Variants in TSGA10 observed in about 807,000 individuals in gnomAD.
TSGA10 encodes the protein testis-specific gene 10 protein.
In TSGA10, 43 loss-of-function variants were observed where a neutral mutation model predicts 96.6. That is an observed-to-expected ratio of 0.44 (90% confidence interval 0.35 to 0.57). The LOEUF is 0.57. TSGA10 is among the 20% of genes least tolerant of loss of function. TSGA10 has a pLI of 0.01. For missense variants in TSGA10, 703 were observed against 834.4 expected, an observed-to-expected ratio of 0.84 and a Z score of 1.94; for synonymous variants, 229 against 269.9, an observed-to-expected ratio of 0.85 and a Z score of 1.48.
intron 1 of TSGA10, among the ~76,000 whole-genome samples, chr2:99,132,170 A>G (rs922372120): frequency 4.0e-5 from 6 of 151,610 alleles, no homozygotes; most frequent in African/African-American, 1.5e-4. Context: ...TCTTTTTTCT[A>G]TTGTTTGGAA....
chr2:99,053,115 AT>A (rs998965285), intron 16 of TSGA10, among the ~76,000 whole-genome samples: 12 of 152,020 alleles, frequency 7.9e-5, no homozygotes, highest in African/African-American at 2.4e-4. Context: ...TAAAAAAAAA[AT>A]CTTACATCAA....
chr2:99,117,101 T>C (rs1206656137), intron 4 of TSGA10: 1 of 152,224 alleles, frequency 6.6e-6, no homozygotes, highest in East Asian at 1.9e-4. Context: ...TTCCTTTCTT[T>C]TGGATGTATA....
intron 16 of TSGA10, among the ~76,000 whole-genome samples, chr2:99,037,379 A>G (rs908711377): frequency 6.6e-6 from 1 of 152,212 alleles, no homozygotes; most frequent in South Asian, 2.1e-4. Flanking sequence ...AAATTTAACA[A>G]CATACTTCTA....
At chr2:99,144,649 CAA>C (rs70940140) in intron 1 of TSGA10, among the ~76,000 whole-genome samples, 33 of 52,262 alleles carry the variant, frequency 6.3e-4, no homozygotes, top group African/African-American at 1.8e-3. Context: ...AACTCTGTCT[CAA>C]AAAAAAAAAA....
At chr2:99,109,556 T>C (rs2091635074) in intron 5 of TSGA10, 44 bp from the exon 6 acceptor site, 3 of 1,433,238 alleles carry the variant, frequency 2.1e-6, no homozygotes, top group Non-Finnish European at 1.8e-6. Context: ...TCTAAAATTA[T>C]CTTGCCAAAG....
intron 10 of TSGA10, among the ~76,000 whole-genome samples, chr2:99,100,926 T>A (rs1319866159): frequency 7.0e-6 from 1 of 142,528 alleles, no homozygotes; most frequent in Non-Finnish European, 1.5e-5. Context: ...ATTTTCTCAG[T>A]TAAAAAAAAA....
intron 11 of TSGA10, among the ~76,000 whole-genome samples, chr2:99,081,033 A>G (rs1243326201): frequency 6.6e-6 from 1 of 152,182 alleles, no homozygotes; most frequent in Non-Finnish European, 1.5e-5. Context: ...TCGTAAGTTT[A>G]CAAACTGTTG....
At chr2:99,138,252 A>T (rs1574698518) in intron 1 of TSGA10, among the ~76,000 whole-genome samples, 1 of 152,162 alleles carries the variant, frequency 6.6e-6, no homozygotes, top group South Asian at 2.1e-4. Flanking sequence ...GAAATGTCAG[A>T]GGGTCTTCCC....
At chr2:99,068,838 C>A in intron 15 of TSGA10, 50 bp downstream of exon 15, 2 of 869,130 alleles carry the variant, frequency 2.3e-6, no homozygotes. Flanking sequence ...TCTAAATTAA[C>A]TCTAGTGAAA....
chr2:99,048,380 T>C (rs1379178903), intron 16 of TSGA10, among the ~76,000 whole-genome samples: 1 of 150,708 alleles, frequency 6.6e-6, no homozygotes, highest in East Asian at 2.0e-4. Flanking sequence ...CATATATATA[T>C]ACACACACAC....
At chr2:99,008,333 AT>A (rs1298266070) in intron 20 of TSGA10, among the ~76,000 whole-genome samples, 7 of 152,206 alleles carry the variant, frequency 4.6e-5, no homozygotes, top group Non-Finnish European at 8.8e-5. Flanking sequence ...TGTACTAAAA[AT>A]TTTTTTAACA....
At position 99,033,525 on chromosome 2, in the gene TSGA10, G is replaced by A. The variant is rs1242917906; in HGVS notation, c.1614+1705C>T. On this transcript the variant is annotated intron_variant, in intron 17 of 20. Coordinates refer to ENST00000393483, the MANE Select transcript of TSGA10 (RefSeq NM_025244.4). ...ACAAACTCTATCTGTCACTTCAGGG[G>A]AGAATGACAACTGTGTTCAAGTTGG... Among the ~76,000 whole-genome samples the A allele has an allele frequency of 7.9e-5, 12 of 152,202 alleles. No homozygotes were observed. The East Asian group carries it at 2.1e-3, about 27-fold the overall frequency.
chr2:99,007,100 T>G (rs895614683), intron 20 of TSGA10, among the ~76,000 whole-genome samples: 8 of 151,706 alleles, frequency 5.3e-5, no homozygotes, highest in African/African-American at 1.9e-4. Flanking sequence ...AATGAGAACA[T>G]TTGGACACAG....
chr2:99,010,598 G>C (rs1254190541), intron 20 of TSGA10, among the ~76,000 whole-genome samples: 1 of 152,244 alleles, frequency 6.6e-6, no homozygotes, highest in Non-Finnish European at 1.5e-5. Flanking sequence ...CCAGTCTCCA[G>C]CTCAAGCCCA....
At chr2:99,074,108 G>T (rs974438971) in intron 12 of TSGA10, among the ~76,000 whole-genome samples, 1 of 144,630 alleles carries the variant, frequency 6.9e-6, no homozygotes, top group Non-Finnish European at 1.5e-5. Context: ...CGCCTCCCAG[G>T]TTCAAGCGAT....
chr2:99,138,568 A>G (rs1363304277), intron 1 of TSGA10, among the ~76,000 whole-genome samples: 4 of 152,264 alleles, frequency 2.6e-5, no homozygotes, highest in Admixed American at 1.3e-4. Flanking sequence ...ATGAATGAAT[A>G]GTAAAGAAAA....
rs1242941076 is a variant in TSGA10 at position 99,064,982 on chromosome 2, C to T, written c.1361G>A (p.Arg454Lys). 3.7e-6 allele frequency: 6 copies of T among 1,607,300 alleles called. No individual in the cohort carries two copies. The highest frequency in any genetic ancestry group is 4.2e-6 in the Non-Finnish European group (5 of 1,177,810). Residue 454 changes from arginine (R) to lysine (K), a missense_variant, in exon 16 of 21, where the codon AGA (arginine) becomes AAA (lysine). Coordinates refer to ENST00000393483, the MANE Select transcript of TSGA10 (RefSeq NM_025244.4). Reference sequence around the variant, plus strand: ...GAGGGAATCTACTTTTTCTTTTAATCTGTTACCCTCTGCCTCAGCAGTGAT... The same window carrying T: ...GAGGGAATCTACTTTTTCTTTTAATTTGTTACCCTCTGCCTCAGCAGTGAT... ...ELITAEAEGN[R>K]LKEKVDSLNR...
Position 98,998,230 on chromosome 2 carries a change from G to GA in TSGA10, c.2073-10dup, listed in dbSNP as rs777098351. On this transcript the variant is annotated splice_polypyrimidine_tract_variant and intron_variant, in intron 20 of 20. Transcript: ENST00000393483. The stretch of plus-strand genomic sequence containing the variant: ...CTCTGTAGCAAAGATTCCTATAAGA[G>GA]AAAAAATCATGCTGATTAATATTTT... The GA allele has an allele frequency of 6.9e-6, 11 of 1,589,448 alleles. No individual in the cohort carries two copies. Among genetic ancestry groups the GA allele is most frequent in the Non-Finnish European group, 9.4e-6 (11 of 1,169,548 alleles).
chr2:99,128,700 G>A (rs1559105675), intron 1 of TSGA10, among the ~76,000 whole-genome samples: 2 of 152,068 alleles, frequency 1.3e-5, no homozygotes, highest in Non-Finnish European at 2.9e-5. Flanking sequence ...CTGTAATTTT[G>A]TCCCTTCCTA....
Sources: allele counts gnomAD v4.1 joint callset (sites outside exome capture counted in the v4.1 genomes callset), GRCh38; gene constraint gnomAD v4.1.1; transcripts MANE v1.5; gene names NCBI Gene and HGNC (gene_info 2026-07-23, HGNC 2026-07-21).